The following RHCE variants were observed in gnomAD, a reference collection of about 807,000 sequenced individuals.
The protein encoded by RHCE is blood group Rh(CE) polypeptide.
RHCE carries 22 observed loss-of-function variants against 43.8 expected under a neutral mutation model. The observed-to-expected ratio is 0.50, with a 90% CI of 0.36 to 0.72. RHCE has a LOEUF of 0.72. Ranked by LOEUF, RHCE falls within the 30% of genes least tolerant of loss-of-function variation. The pLI is 0.00. For synonymous variants in RHCE, 156 were observed against 210.7 expected (o/e 0.74, Z 2.25); for missense variants, 385 against 525.4 (o/e 0.73, Z 2.61).
rs571572546 is a variant in RHCE, at chr1:25,396,237, T to C, written c.487-4096A>G. Among the ~76,000 whole-genome samples, 9 of 152,390 alleles carry C rather than the reference T, an allele frequency of 5.9e-5. No individual in the cohort carries two copies. In the South Asian group the frequency reaches 1.9e-3, roughly 32 times the overall value. ...AGATAAAGAAAGATGAAGAAACTGTTCCAGATTGATGGAATTTAATAAGAC... is the reference window on the plus strand; with the variant it reads ...AGATAAAGAAAGATGAAGAAACTGTCCCAGATTGATGGAATTTAATAAGAC... On this transcript the variant is annotated intron_variant, in intron 3 of 9. Coordinates refer to ENST00000294413, the MANE Select transcript of RHCE (RefSeq NM_020485.8).
At chr1:25,407,301 A>G (rs1646949838) in intron 2 of RHCE, among the ~76,000 whole-genome samples, 1 of 122,680 alleles carries the variant, frequency 8.2e-6, no homozygotes, top group South Asian at 4.2e-4. Context: ...ACTGTGTTTC[A>G]TGTTCTGACC....
rs28712770 is a variant in RHCE at position 25,414,490 on chromosome 1, C to T, written c.149-5621G>A. Among the ~76,000 whole-genome samples the T allele has an allele frequency of 1.1e-3, 165 of 152,224 alleles. 1 individual carries two copies. The highest frequency in any genetic ancestry group is 6.1e-3 in the Admixed American group (93 of 15,278). On this transcript the variant is annotated intron_variant, in intron 1 of 9. Transcript: ENST00000294413. ...TCTACTCTACCGGCGACTCTCACCC[C>T]TCCAGCAGCCTGGGAAGAAAAACAG...
At chr1:25,374,434 C>G (rs1010029896) in intron 8 of RHCE, among the ~76,000 whole-genome samples, 1 of 152,036 alleles carries the variant, frequency 6.6e-6, no homozygotes. Flanking sequence ...ATTAGCAACT[C>G]CCCTAGATTT....
intron 9 of RHCE, among the ~76,000 whole-genome samples, chr1:25,370,102 C>T (rs1645563014): frequency 6.6e-6 from 1 of 151,570 alleles, no homozygotes; most frequent in Admixed American, 6.6e-5. Flanking sequence ...GGGTTGGACT[C>T]CAAGGCTTGA....
At chr1:25,422,882 G>C (rs200127608), upstream of RHCE, among the ~76,000 whole-genome samples, 18 of 152,282 alleles carry the variant, frequency 1.2e-4, no homozygotes, top group East Asian at 3.3e-3. Context: ...TCCCTCTCAT[G>C]CGCGGTTCCC....
At position 25,404,468 on chromosome 1, in the gene RHCE, G is replaced by A. The variant is rs140145594; in HGVS notation, c.336-1722C>T. On this transcript the variant is annotated intron_variant, in intron 2 of 9. Transcript: ENST00000294413. The stretch of plus-strand genomic sequence containing the variant: ...GGGGAAGGAGTCTTACAGGGACCAG[G>A]AATTTAGAATAAGGGGTTATTCAAT... Among the ~76,000 whole-genome samples, 793 of 150,068 alleles carry A rather than the reference G, an allele frequency of 5.3e-3. 4 individuals carry two copies. The highest frequency in any genetic ancestry group is 0.018 in the African/African-American group (744 of 40,274).
chr1:25,411,454 A>T (rs1456350245), intron 1 of RHCE: 2 of 1,549,542 alleles, frequency 1.3e-6, no homozygotes, highest in African/African-American at 2.7e-5. Context: ...ATTCACTTCC[A>T]TTGAAACGTA....
rs2124490410 is a variant in RHCE at position 25,406,157 on chromosome 1, C to G, written c.335+2526G>C. On this transcript the variant is annotated intron_variant, in intron 2 of 9. Transcript: ENST00000294413. ...CTTAAGCTAAGGCAGCAACACCAAA[C>G]CAGGGCCACCACCATTTGAATTCCC... Among the ~76,000 whole-genome samples the G allele has an allele frequency of 2.4e-5, 3 of 122,750 alleles. 1 individual carries two copies. The highest frequency in any genetic ancestry group is 8.4e-4 in the East Asian group (2 of 2,390). The allele number at this position is 122,750 out of a possible 152,430, so 80.5% of individuals were successfully genotyped here. A position where few individuals can be genotyped will look rare whatever the true frequency, so the allele number is the denominator to read the frequency against.
chr1:25,416,702 A>G (rs1173525077), intron 1 of RHCE, among the ~76,000 whole-genome samples: 1 of 151,078 alleles, frequency 6.6e-6, no homozygotes, highest in Non-Finnish European at 1.5e-5. Context: ...CTGCAGCCTC[A>G]AGCTCCCAGG....
intron 3 of RHCE, among the ~76,000 whole-genome samples, chr1:25,396,225 T>C (rs1005383809): frequency 2.0e-5 from 3 of 152,208 alleles, no homozygotes; most frequent in African/African-American, 7.2e-5. Flanking sequence ...TAAAGAAAGA[T>C]GAAGAAACTG....
chr1:25,418,467 T>C (rs2042662864), intron 1 of RHCE, among the ~76,000 whole-genome samples: 1 of 152,118 alleles, frequency 6.6e-6, no homozygotes, highest in African/African-American at 2.4e-5. Flanking sequence ...CACACCCGGC[T>C]AGTTTTTATA....
Position 25,385,797 on chromosome 1 carries a change from G to C in RHCE, c.987C>G (p.His329Gln). The C allele has an allele frequency of 6.2e-7, 1 of 1,614,046 alleles. No homozygotes were observed. The highest frequency in any genetic ancestry group is 8.5e-7 in the Non-Finnish European group (1 of 1,180,036). Residue 329 changes from histidine (H) to glutamine (Q), a missense_variant, in exon 7 of 10, where the codon CAC (histidine) becomes CAG (glutamine). Physicochemically the swap from His to Gln is conservative, Grantham distance 24 (BLOSUM62 0). Transcript: ENST00000294413. ...GCAGACCCAGCAAGCTGAAGATGGA[G>C]TGCATGACGGAGATGTGGTGAATCC... ...VLGIHHISVMHSIFSLLGLLG... is the reference protein window; with the variant it reads ...VLGIHHISVMQSIFSLLGLLG...
chr1:25,407,255 G>A (rs1248491821), intron 2 of RHCE, among the ~76,000 whole-genome samples: 1 of 122,634 alleles, frequency 8.2e-6, no homozygotes, highest in Non-Finnish European at 1.9e-5. Flanking sequence ...AATACATACA[G>A]TTTTTTTCCT....
At chr1:25,420,085 G>A (rs147022518) in intron 1 of RHCE, among the ~76,000 whole-genome samples, 6,670 of 151,514 alleles carry the variant, frequency 0.044, 455 homozygotes, top group African/African-American at 0.15. Context: ...GGGAGGCTGA[G>A]GTGGGAAGAT....
intron 2 of RHCE, among the ~76,000 whole-genome samples, chr1:25,426,588 T>G (rs1022460154): frequency 6.6e-6 from 1 of 152,198 alleles, no homozygotes; most frequent in African/African-American, 2.4e-5. Flanking sequence ...AGGATTGTTG[T>G]GAGGATTAAA....
intron 9 of RHCE, among the ~76,000 whole-genome samples, chr1:25,369,664 C>T (rs1645544212): frequency 6.6e-6 from 1 of 150,932 alleles, no homozygotes; most frequent in African/African-American, 2.5e-5. Flanking sequence ...TTTTTTTGTG[C>T]CTGCTTGTTA....
chr1:25,372,300 A>G (rs1351507161), intron 8 of RHCE, among the ~76,000 whole-genome samples: 1 of 151,504 alleles, frequency 6.6e-6, no homozygotes. Flanking sequence ...TGGGCGGATC[A>G]CCTGAGGTCA....
chr1:25,400,199 C>T (rs1272078163), intron 3 of RHCE, among the ~76,000 whole-genome samples: 1 of 152,198 alleles, frequency 6.6e-6, no homozygotes, highest in African/African-American at 2.4e-5. Context: ...AGAGCAAAGT[C>T]CTTGGCAGGG....
At chr1:25,410,094 A>G (rs563620454) in intron 1 of RHCE, among the ~76,000 whole-genome samples, 17 of 151,656 alleles carry the variant, frequency 1.1e-4, no homozygotes, top group South Asian at 8.3e-4. Context: ...AAGGGGTTTC[A>G]CTATGTTGGC....
Sources: allele counts gnomAD v4.1 joint callset (sites outside exome capture counted in the v4.1 genomes callset), GRCh38; gene constraint gnomAD v4.1.1; transcripts MANE v1.5; gene names NCBI Gene and HGNC (gene_info 2026-07-23, HGNC 2026-07-21).